Variants in COL22A1 observed in about 807,000 individuals in gnomAD.
The protein encoded by COL22A1 is collagen type XXII alpha 1 chain.
Under a neutral mutation model 248.9 loss-of-function variants are expected in COL22A1, and 221 were observed. That is an observed-to-expected ratio of 0.89 (90% CI 0.80 to 0.99). The LOEUF (loss-of-function observed/expected upper bound fraction) is 0.99. COL22A1 is among the 50% of genes least tolerant of loss of function. The probability of loss-of-function intolerance (pLI) is 0.00; values close to 1 mark genes in which losing one functional copy is unlikely to be tolerated. For synonymous variants in COL22A1, 891 were observed against 793.4 expected (o/e 1.12, Z -2.07); for missense variants, 2,240 against 2,179.0 (o/e 1.03, Z -0.56).
intron 9 of COL22A1, among the ~76,000 whole-genome samples, chr8:138,811,270 T>C (rs543281873): frequency 0.019 from 2,086 of 112,400 alleles, 24 homozygotes; most frequent in Middle Eastern, 0.038. Flanking sequence ...CATATATATA[T>C]ATACACACAC....
chr8:138,842,067 A>C (rs1475057336), intron 4 of COL22A1, among the ~76,000 whole-genome samples: 1 of 152,204 alleles, frequency 6.6e-6, no homozygotes, highest in Non-Finnish European at 1.5e-5. Flanking sequence ...TGGCCACTTG[A>C]TGTGGCAAAA....
intron 4 of COL22A1, among the ~76,000 whole-genome samples, chr8:138,834,431 C>G (rs1279947650): frequency 6.6e-6 from 1 of 151,758 alleles, no homozygotes; most frequent in African/African-American, 2.4e-5. Context: ...AAATTCTGCC[C>G]AAAGAGATTA....
intron 11 of COL22A1, among the ~76,000 whole-genome samples, chr8:138,801,161 G>A (rs866216983): frequency 1.3e-5 from 2 of 152,198 alleles, no homozygotes; most frequent in African/African-American, 4.8e-5. Context: ...TGCATGTGTA[G>A]GTGAAGGTGA....
At chr8:138,798,930 G>A (rs1816775489) in intron 11 of COL22A1, among the ~76,000 whole-genome samples, 1 of 151,990 alleles carries the variant, frequency 6.6e-6, no homozygotes, top group Admixed American at 6.6e-5. Flanking sequence ...ATACTTTTCT[G>A]CTCCTTTCTC....
At chr8:138,708,974 A>C (rs1828715553) in intron 30 of COL22A1, among the ~76,000 whole-genome samples, 2 of 152,212 alleles carry the variant, frequency 1.3e-5, no homozygotes, top group Admixed American at 6.5e-5. Flanking sequence ...AAAAATGGGC[A>C]AAGGATATGA....
At chr8:138,752,876 C>T (rs1229346700) in intron 21 of COL22A1, among the ~76,000 whole-genome samples, 3 of 152,218 alleles carry the variant, frequency 2.0e-5, no homozygotes, top group South Asian at 2.1e-4. Flanking sequence ...AGGCCCCGAG[C>T]TAGGTGCTGC....
chr8:138,715,568 TTAAAAAAAA>T (rs1386839328), intron 30 of COL22A1, 105 bp downstream of exon 30: 21 of 432,674 alleles, frequency 4.9e-5, no homozygotes, highest in Non-Finnish European at 6.1e-5. Context: ...GACTCTCATT[TTAAAAAAAA>T]AAAAAAAAAA....
chr8:138,623,909 G>T, intron 51 of COL22A1, 124 bp from the exon 52 acceptor site: 1 of 738,904 alleles, frequency 1.4e-6, no homozygotes. Context: ...TGGCAGCTAA[G>T]GCAGTGTCTC....
At chr8:138,678,415 T>C (rs942063420) in intron 40 of COL22A1, among the ~76,000 whole-genome samples, 3 of 152,124 alleles carry the variant, frequency 2.0e-5, no homozygotes, top group Non-Finnish European at 4.4e-5. Flanking sequence ...CCTGCCCTCA[T>C]CTCTGCCAGC....
At chr8:138,759,756 T>C (rs1480890592) in intron 18 of COL22A1, among the ~76,000 whole-genome samples, 2 of 149,914 alleles carry the variant, frequency 1.3e-5, no homozygotes, top group East Asian at 2.0e-4. Flanking sequence ...TAAAGTAAGA[T>C]ACAACCCTTA....
At chr8:138,624,763 T>C (rs1168527532) in intron 51 of COL22A1, among the ~76,000 whole-genome samples, 1 of 152,176 alleles carries the variant, frequency 6.6e-6, no homozygotes, top group Non-Finnish European at 1.5e-5. Flanking sequence ...ACCTCCAGGC[T>C]GCAGAGTTAC....
chr8:138,716,826 T>C lies in COL22A1; in HGVS notation c.2399A>G (p.Lys800Arg). Reference sequence around the variant, plus strand: ...GAATAAAAGCACAAACAAACAGACCTTCTCTCCAGGTCGGCCTGCCAGGCC... The same window carrying C: ...GAATAAAAGCACAAACAAACAGACCCTCTCTCCAGGTCGGCCTGCCAGGCC... ...EQGLAGRPGE[K>R]GEAGLPGAPG... is the part of the protein sequence containing the mutation. Residue 800 changes from lysine (K) to arginine (R), a missense_variant and splice_region_variant, in exon 28 of 65, where the codon AAG becomes AGG. By Grantham distance (26) the Lys-to-Arg change is conservative (BLOSUM62 2). Transcript: ENST00000303045. 1 of 1,607,936 alleles carries C rather than the reference T, an allele frequency of 6.2e-7. No homozygotes were observed.
At chr8:138,855,811 T>C (rs935582895) in intron 3 of COL22A1, among the ~76,000 whole-genome samples, 1 of 152,206 alleles carries the variant, frequency 6.6e-6, no homozygotes, top group African/African-American at 2.4e-5. Flanking sequence ...CAGAGCTGCT[T>C]CAGCAACTTC....
chr8:138,870,963 C>A (rs534217414), intron 3 of COL22A1, among the ~76,000 whole-genome samples: 119 of 151,814 alleles, frequency 7.8e-4, no homozygotes, highest in African/African-American at 2.8e-3. Flanking sequence ...GGTGTGTGCA[C>A]CCTGAGTTTA....
intron 7 of COL22A1, among the ~76,000 whole-genome samples, chr8:138,818,429 C>A (rs1325041940): frequency 6.6e-6 from 1 of 152,214 alleles, no homozygotes; most frequent in Non-Finnish European, 1.5e-5. Context: ...GATGCACACT[C>A]TGAGGGAGAT....
In COL22A1 at chr8:138,596,917, C is replaced by T. The variant is rs201347553; in HGVS notation, c.4419G>A (p.Gly1473=). 4 of 1,613,958 alleles carry T rather than the reference C, an allele frequency of 2.5e-6. No homozygotes were observed. Among genetic ancestry groups the T allele is most frequent in the Non-Finnish European group, 2.5e-6 (3 of 1,179,890 alleles). ...TLRRLIQEEL[G]KQLETRLAYL... is the part of the protein sequence containing the mutation. ...CCAGATACTCACTTTCAAGCTGCTTCCCCAGCTCTTCTTGAATAAGCCGAC... is the reference window on the plus strand; with the variant it reads ...CCAGATACTCACTTTCAAGCTGCTTTCCCAGCTCTTCTTGAATAAGCCGAC... The change falls in exon 62 of 65, where the codon GGG becomes GGA. Residue 1473 remains glycine, a synonymous_variant. Coordinates refer to ENST00000303045, the MANE Select transcript of COL22A1 (RefSeq NM_152888.3).
At chr8:138,683,198 G>A (rs996913677) in intron 39 of COL22A1, among the ~76,000 whole-genome samples, 12 of 152,176 alleles carry the variant, frequency 7.9e-5, no homozygotes, top group African/African-American at 2.7e-4. Context: ...TGAAACACAT[G>A]ATATGCACTG....
chr8:138,700,189 C>T, intron 31 of COL22A1, 45 bp from the exon 32 acceptor site: 1 of 1,595,774 alleles, frequency 6.3e-7, no homozygotes, highest in Non-Finnish European at 8.6e-7. Flanking sequence ...CATCAAGGAA[C>T]CCAGTGTTTC....
At chr8:138,810,390 T>G (rs998578131) in intron 9 of COL22A1, among the ~76,000 whole-genome samples, 2 of 152,210 alleles carry the variant, frequency 1.3e-5, no homozygotes, top group African/African-American at 4.8e-5. Flanking sequence ...AACAGCTGCT[T>G]CTGTTATTTC....
Sources: gnomAD v4.1 joint callset for allele counts (sites outside exome capture counted in the v4.1 genomes callset) on GRCh38, gnomAD v4.1.1 for gene constraint, MANE v1.5 for transcripts, NCBI Gene and HGNC (gene_info 2026-07-23, HGNC 2026-07-21) for gene names.